The following ACOX3 variants were observed in gnomAD, a reference collection of about 807,000 sequenced individuals.
ACOX3 encodes peroxisomal acyl-coenzyme A oxidase 3.
Under a neutral mutation model 81.5 loss-of-function variants are expected in ACOX3, and 73 were observed. That is an observed-to-expected ratio of 0.90 (90% confidence interval 0.74 to 1.09). The LOEUF (loss-of-function observed/expected upper bound fraction) is 1.09. Ranked by LOEUF, ACOX3 falls within the 50% of genes least tolerant of loss-of-function variation. The pLI is 0.00. For synonymous variants in ACOX3, 387 were observed against 375.1 expected (o/e 1.03, Z -0.37); for missense variants, 947 against 928.0 (o/e 1.02, Z -0.27).
At chr4:8,396,442 T>A (rs1361805322) in intron 9 of ACOX3, among the ~76,000 whole-genome samples, 2 of 152,106 alleles carry the variant, frequency 1.3e-5, no homozygotes, top group Non-Finnish European at 2.9e-5. Flanking sequence ...TTTGGGAGGC[T>A]GAGGCAGGTG....
At chr4:8,361,720 C>G (rs1715237466), downstream of ACOX3, among the ~76,000 whole-genome samples, 1 of 152,094 alleles carries the variant, frequency 6.6e-6, no homozygotes, top group African/African-American at 2.4e-5. Flanking sequence ...TATGGCCAAA[C>G]TGATTAAGTT....
intron 6 of ACOX3, among the ~76,000 whole-genome samples, chr4:8,409,616 T>C (rs879218834): frequency 1.7e-4 from 12 of 68,904 alleles, no homozygotes; most frequent in Admixed American, 7.4e-4. Flanking sequence ...GTACTGTGGG[T>C]GGGGCTGTCT....
Position 8,407,395 on chromosome 4 carries a change from C to T in ACOX3, c.688-1352G>A, listed in dbSNP as rs1277555641. On this transcript the variant is annotated intron_variant, in intron 6 of 17. Transcript: ENST00000356406. This position sits in a 1 kb window ranked among gnomAD's most constrained non-coding sequence, Gnocchi z 4.6. The stretch of plus-strand genomic sequence containing the variant: ...GCCTCGGCACCTGGGTGGCTTGCCG[C>T]CCACATGGGGCCACAGGCCTGGGGC... Among the ~76,000 whole-genome samples, 1 of 152,232 alleles carries T rather than the reference C, an allele frequency of 6.6e-6. No individual in the cohort carries two copies. The highest frequency in any genetic ancestry group is 1.5e-5 in the Non-Finnish European group (1 of 68,042).
At chr4:8,421,617 G>C (rs1722955611) in intron 1 of ACOX3, among the ~76,000 whole-genome samples, 1 of 152,178 alleles carries the variant, frequency 6.6e-6, no homozygotes, top group African/African-American at 2.4e-5. Flanking sequence ...CTGCCTCCTA[G>C]GTACTAATGC....
chr4:8,363,532 C>A (rs1281210567), downstream of ACOX3, among the ~76,000 whole-genome samples: 1 of 152,174 alleles, frequency 6.6e-6, no homozygotes, highest in Non-Finnish European at 1.5e-5. Context: ...CTTCATCCCT[C>A]TGCAACCCTT....
chr4:8,417,400 A>T (rs1044074370), intron 1 of ACOX3, among the ~76,000 whole-genome samples: 1 of 152,162 alleles, frequency 6.6e-6, no homozygotes, highest in Admixed American at 6.5e-5. Context: ...CGCAGGTCTG[A>T]GCACCTGTTG....
At chr4:8,409,892 GGCTGTAGGAATACACTGTGGGCGGA>G (rs1448131692) in intron 6 of ACOX3, among the ~76,000 whole-genome samples, 5 of 151,288 alleles carry the variant, frequency 3.3e-5, no homozygotes, top group African/African-American at 1.2e-4. Context: ...CTGTGGGCGG[GGCTGTAGGAATACACTGTGGGCGGA>G]GCTGTCTGTG....
rs762638342 is a variant in ACOX3 at position 8,394,611 on chromosome 4, C to G, written c.1179+9G>C. On this transcript the variant is annotated intron_variant, in intron 10 of 17. Coordinates refer to ENST00000356406, the MANE Select transcript of ACOX3 (RefSeq NM_003501.3). The surrounding 1 kb of genome is among the most constrained non-coding windows in gnomAD (Gnocchi z 5.9). ...AACGATGCTGCTGAGGAAGCAGACA[C>G]CACCTCACCTGTCTGGCGCTGCGGT... 6.8e-6 allele frequency: 11 copies of G among 1,612,970 alleles called. No homozygotes were observed. In the South Asian group the frequency reaches 1.1e-4, roughly 16 times the overall value.
Position 8,389,687 on chromosome 4 carries a change from A to G in ACOX3, c.1348T>C (p.Tyr450His). 1.2e-6 allele frequency: 2 copies of G among 1,614,102 alleles called. No individual in the cohort carries two copies. Among genetic ancestry groups the G allele is most frequent in the South Asian group, 1.1e-5 (1 of 91,084 alleles). Reference protein sequence around the residue: ...LRDDNDPNCTYEGDNNILLQQ... With the variant: ...LRDDNDPNCTHEGDNNILLQQ... ...AGCAGGATGTTGTTGTCACCTTCGT[A>G]TGTGCAGTTGGGATCGTTGTCATCT... Residue 450 changes from tyrosine (Y) to histidine (H), a missense_variant, in exon 12 of 18, where the codon TAC becomes CAC. Coordinates refer to ENST00000356406, the MANE Select transcript of ACOX3 (RefSeq NM_003501.3). This position sits in a 1 kb window ranked among gnomAD's most constrained non-coding sequence, Gnocchi z 5.3.
intron 14 of ACOX3, among the ~76,000 whole-genome samples, chr4:8,375,511 C>A (rs1716846658): frequency 6.6e-6 from 1 of 152,192 alleles, no homozygotes; most frequent in Non-Finnish European, 1.5e-5. Context: ...ACCAGGAGGC[C>A]CCCAAGGGCC....
In ACOX3 at chr4:8,407,878, C is replaced by A. The variant is rs1240456295; in HGVS notation, c.688-1835G>T. Among the ~76,000 whole-genome samples, 2 of 152,228 alleles carry A rather than the reference C, an allele frequency of 1.3e-5. No homozygotes were observed. The highest frequency in any genetic ancestry group is 4.8e-5 in the African/African-American group (2 of 41,454). On this transcript the variant is annotated intron_variant, in intron 6 of 17. Transcript: ENST00000356406. This position sits in a 1 kb window ranked among gnomAD's most constrained non-coding sequence, Gnocchi z 4.6. ...AGACGTGCCACCTTCCCCTTCCCCA[C>A]CAGGGGACACGGGTGGTGTCTGGAG...
intron 1 of ACOX3, among the ~76,000 whole-genome samples, chr4:8,425,314 G>C (rs1723361588): frequency 6.6e-6 from 1 of 151,992 alleles, no homozygotes; most frequent in South Asian, 2.1e-4. Context: ...TCCCCTGTAG[G>C]AAACCAAGCC....
Position 8,406,677 on chromosome 4 carries a change from C to T in ACOX3, c.688-634G>A, listed in dbSNP as rs1023051635. ...TGTCCACTGGACAGGGGGCCCTTCCCTGCCTGGCAGCTGAGGCAGAGAGAG... is the reference window on the plus strand; with the variant it reads ...TGTCCACTGGACAGGGGGCCCTTCCTTGCCTGGCAGCTGAGGCAGAGAGAG... On this transcript the variant is annotated intron_variant, in intron 6 of 17. Coordinates refer to ENST00000356406, the MANE Select transcript of ACOX3 (RefSeq NM_003501.3). The surrounding 1 kb of genome is among the most constrained non-coding windows in gnomAD (Gnocchi z 5.6). Among the ~76,000 whole-genome samples, 27 of 152,220 alleles carry T rather than the reference C, an allele frequency of 1.8e-4. No individual in the cohort carries two copies. The highest frequency in any genetic ancestry group is 6.3e-4 in the African/African-American group (26 of 41,460).
intron 7 of ACOX3, among the ~76,000 whole-genome samples, chr4:8,401,029 T>A (rs959521418): frequency 1.3e-5 from 2 of 151,848 alleles, no homozygotes; most frequent in African/African-American, 4.8e-5. Context: ...TGACAGATCA[T>A]CAGGTATTAG....
intron 14 of ACOX3, among the ~76,000 whole-genome samples, chr4:8,378,443 T>C (rs1184129556): frequency 2.0e-5 from 3 of 152,220 alleles, no homozygotes; most frequent in African/African-American, 4.8e-5. Context: ...TGCAAATCCC[T>C]GAAGGAAACC....
chr4:8,437,086 C>T lies in ACOX3; in HGVS notation c.-15+3562G>A, dbSNP rs936163236. Among the ~76,000 whole-genome samples, 5 of 130,976 alleles carry T rather than the reference C, an allele frequency of 3.8e-5. No homozygotes were observed. Among genetic ancestry groups the T allele is most frequent in the South Asian group, 2.4e-4 (1 of 4,086 alleles). 85.9% of individuals were successfully genotyped at this position (130,976 alleles called of 152,430 possible). On this transcript the variant is annotated intron_variant, in intron 1 of 17. Transcript: ENST00000356406. The surrounding 1 kb of genome is among the most constrained non-coding windows in gnomAD (Gnocchi z 5.2). ...ATGTAAATATATAGAAATATATACA[C>T]GTAAATATATATATTTACATATATA...
chr4:8,385,102 C>T lies in ACOX3; in HGVS notation c.1538-3495G>A, dbSNP rs1453243868. Among the ~76,000 whole-genome samples, 2 of 152,140 alleles carry T rather than the reference C, an allele frequency of 1.3e-5. No homozygotes were observed. The highest frequency in any genetic ancestry group is 2.4e-5 in the African/African-American group (1 of 41,426). On this transcript the variant is annotated intron_variant, in intron 13 of 17. Transcript: ENST00000356406. The surrounding 1 kb of genome is among the most constrained non-coding windows in gnomAD (Gnocchi z 5.5). ...TGACCGCATTCCCTCCCCACTGTCT[C>T]GCAGAAGGAAAACAGGCTCAGAGAG...
In ACOX3 at chr4:8,396,995, C is replaced by T. The variant is rs752206543; in HGVS notation, c.998G>A (p.Arg333Gln). The T allele has an allele frequency of 4.4e-5, 71 of 1,611,658 alleles. No homozygotes were observed. Among genetic ancestry groups the T allele is most frequent in the East Asian group, 9.0e-5 (4 of 44,664 alleles). Residue 333 changes from arginine (R) to glutamine (Q), a missense_variant, in exon 9 of 18, where the codon CGG becomes CAG. Physicochemically the swap from Arg to Gln is conservative, Grantham distance 43. Coordinates refer to ENST00000356406, the MANE Select transcript of ACOX3 (RefSeq NM_003501.3). ...CTCCTCTGTGGGTCCAAACTGACGC[C>T]GAGTGGCTGAGAAGCGAAGAGCGAT... ...VAIALRFSAT[R>Q]RQFGPTEEEE...
At position 8,417,471 on chromosome 4, in the gene ACOX3, G is replaced by C. The variant is rs115999866; in HGVS notation, c.-14-936C>G. 3.9e-3 allele frequency among the ~76,000 whole-genome samples: 590 copies of C among 152,100 alleles called. 4 individuals carry two copies. Among genetic ancestry groups the C allele is most frequent in the African/African-American group, 0.014 (573 of 41,346 alleles). On this transcript the variant is annotated intron_variant, in intron 1 of 17. Coordinates refer to ENST00000356406, the MANE Select transcript of ACOX3 (RefSeq NM_003501.3). ...TATCTTATTTCACCCTCCAACAGCT[G>C]TGAGCCAAGTACTACTGCCCCCCAT...
Sources: allele counts gnomAD v4.1 joint callset (sites outside exome capture counted in the v4.1 genomes callset), GRCh38; gene constraint gnomAD v4.1.1; non-coding constraint Gnocchi (gnomAD v3.1); transcripts MANE v1.5; gene names NCBI Gene and HGNC (gene_info 2026-07-23, HGNC 2026-07-21).